The following IKZF2 variants were observed in gnomAD, a reference collection of about 807,000 sequenced individuals.
IKZF2 encodes IKAROS family zinc finger 2, also known as zinc finger protein Helios.
In IKZF2, 15 loss-of-function variants were observed where a neutral mutation model predicts 49.2. That is an observed-to-expected ratio of 0.30 (90% CI 0.20 to 0.47). IKZF2 has a LOEUF of 0.47. Ranked by LOEUF, IKZF2 falls within the 20% of genes least tolerant of loss-of-function variation. The probability of loss-of-function intolerance (pLI) is 1.00; values close to 1 mark genes in which losing one functional copy is unlikely to be tolerated. For synonymous variants in IKZF2, 227 were observed against 221.4 expected (o/e 1.03, Z -0.23); for missense variants, 567 against 664.6 (o/e 0.85, Z 1.61).
intron 4 of IKZF2, among the ~76,000 whole-genome samples, chr2:213,107,589 T>G (rs1292690448): frequency 2.6e-5 from 4 of 152,214 alleles, no homozygotes; most frequent in Non-Finnish European, 4.4e-5. Flanking sequence ...GTTCAGTCAT[T>G]GCTGGAACTG....
chr2:213,043,731 G>T (rs1217941986), intron 6 of IKZF2, among the ~76,000 whole-genome samples: 1 of 152,150 alleles, frequency 6.6e-6, no homozygotes, highest in African/African-American at 2.4e-5. Flanking sequence ...ACAATAGGGT[G>T]CGTGCCTATG....
intron 4 of IKZF2, among the ~76,000 whole-genome samples, chr2:213,121,138 A>T (rs2060043266): frequency 6.6e-6 from 1 of 152,226 alleles, no homozygotes; most frequent in African/African-American, 2.4e-5. Flanking sequence ...TTTTTCATAA[A>T]GTACTAAATA....
chr2:213,023,079 T>G (rs954985482), intron 6 of IKZF2, among the ~76,000 whole-genome samples: 3 of 152,184 alleles, frequency 2.0e-5, no homozygotes, highest in Non-Finnish European at 4.4e-5. Flanking sequence ...AAACCCCAGG[T>G]GGTCTGTGCC....
chr2:213,085,216 C>T (rs531823253), intron 4 of IKZF2, among the ~76,000 whole-genome samples: 5 of 152,246 alleles, frequency 3.3e-5, no homozygotes, highest in African/African-American at 9.6e-5. Context: ...TTTTTAAAAT[C>T]GAAAGGTGAG....
At chr2:213,050,568 T>C (rs1034369725) in intron 5 of IKZF2, among the ~76,000 whole-genome samples, 7 of 152,170 alleles carry the variant, frequency 4.6e-5, no homozygotes, top group Non-Finnish European at 1.0e-4. Context: ...TGGTCACTAA[T>C]AGTAAAACCT....
chr2:213,027,880 C>A (rs947028608), intron 6 of IKZF2, among the ~76,000 whole-genome samples: 1 of 152,030 alleles, frequency 6.6e-6, no homozygotes, highest in African/African-American at 2.4e-5. Flanking sequence ...GGTCTAAAGT[C>A]TCTAATTTGG....
intron 7 of IKZF2, chr2:213,021,745 A>G (rs1321277509): frequency 1.8e-6 from 1 of 554,760 alleles, no homozygotes. Context: ...GAAAAAGAAG[A>G]GTAAATAGTA....
chr2:213,003,537 G>T lies in IKZF2; in HGVS notation c.*3823C>A, dbSNP rs1487811123. 1.3e-5 allele frequency: 2 copies of T among 151,634 alleles called. No individual in the cohort carries two copies. Among genetic ancestry groups the T allele is most frequent in the Admixed American group, 6.6e-5 (1 of 15,190 alleles). 9.4% of individuals were successfully genotyped at this position (151,634 alleles called of 1,614,324 possible). A position where few individuals can be genotyped will look rare whatever the true frequency, so the allele number is the denominator to read the frequency against. On this transcript the variant is annotated 3_prime_UTR_variant, in exon 9 of 9. Coordinates refer to ENST00000434687, the MANE Select transcript of IKZF2 (RefSeq NM_001387220.1). ...GTAGCTAGTACCTCTGACAGTTTAA[G>T]TTCTGCCTGAAACTAGGGGCACACA...
At chr2:213,090,490 G>C (rs2125635777) in intron 4 of IKZF2, among the ~76,000 whole-genome samples, 1 of 152,196 alleles carries the variant, frequency 6.6e-6, no homozygotes, top group Non-Finnish European at 1.5e-5. Flanking sequence ...ATTTCTATTT[G>C]ATGCTTTGGC....
intron 4 of IKZF2, among the ~76,000 whole-genome samples, chr2:213,146,375 T>C (rs1330951277): frequency 1.3e-5 from 2 of 152,058 alleles, no homozygotes; most frequent in Non-Finnish European, 2.9e-5. Context: ...ACCTGCTAAC[T>C]TTACTAGTTT....
chr2:213,141,718 AG>A (rs2060880642), intron 4 of IKZF2, among the ~76,000 whole-genome samples: 1 of 151,936 alleles, frequency 6.6e-6, no homozygotes, highest in Admixed American at 6.6e-5. Context: ...AGCTTACTAC[AG>A]TAAAATGCCC....
intron 6 of IKZF2, among the ~76,000 whole-genome samples, chr2:213,047,716 G>A (rs1197082450): frequency 6.6e-6 from 1 of 152,088 alleles, no homozygotes; most frequent in Non-Finnish European, 1.5e-5. Flanking sequence ...TGGAGCTGTT[G>A]CTATACAATG....
At position 213,060,760 on chromosome 2, in the gene IKZF2, A is replaced by C. The variant is rs1574673104; in HGVS notation, c.140-3661T>G. Among the ~76,000 whole-genome samples, 5 of 151,618 alleles carry C rather than the reference A, an allele frequency of 3.3e-5. No homozygotes were observed. In the South Asian group the frequency reaches 1.0e-3, roughly 31 times the overall value. ...AGACAAGATTTTAGTTTTGATGATA[A>C]AGATGTTTCTTATACTTCAGTTGTA... On this transcript the variant is annotated intron_variant, in intron 4 of 8. Coordinates refer to ENST00000434687, the MANE Select transcript of IKZF2 (RefSeq NM_001387220.1).
chr2:213,130,622 G>A (rs10497995), intron 4 of IKZF2, among the ~76,000 whole-genome samples: 66,713 of 152,066 alleles, frequency 0.44, 18,099 homozygotes, highest in East Asian at 0.91. Context: ...ATTACAGATT[G>A]ATTACCACAA....
chr2:213,028,611 T>C (rs533730179), intron 6 of IKZF2, among the ~76,000 whole-genome samples: 28 of 152,206 alleles, frequency 1.8e-4, no homozygotes, highest in Non-Finnish European at 3.8e-4. Flanking sequence ...AAGTATTTCA[T>C]ACATTTTGGG....
intron 6 of IKZF2, among the ~76,000 whole-genome samples, chr2:213,025,529 G>A (rs1697724644): frequency 1.3e-5 from 2 of 152,146 alleles, no homozygotes; most frequent in South Asian, 4.2e-4. Context: ...TATTTCCCTA[G>A]TCCAAACGAT....
At chr2:213,129,998 A>G (rs984466007) in intron 4 of IKZF2, among the ~76,000 whole-genome samples, 2 of 152,200 alleles carry the variant, frequency 1.3e-5, no homozygotes, top group South Asian at 4.1e-4. Flanking sequence ...CTGTACATAA[A>G]GATATACAGG....
At chr2:213,039,165 A>C (rs1389375986) in intron 6 of IKZF2, among the ~76,000 whole-genome samples, 1 of 152,094 alleles carries the variant, frequency 6.6e-6, no homozygotes, top group Admixed American at 6.5e-5. Context: ...GATGAGTCAT[A>C]ATACTTTACA....
At chr2:213,053,430 C>T (rs561980048) in intron 5 of IKZF2, among the ~76,000 whole-genome samples, 3 of 152,248 alleles carry the variant, frequency 2.0e-5, no homozygotes, top group Non-Finnish European at 2.9e-5. Flanking sequence ...TCTAGACCTG[C>T]ATTTAAATAT....
Sources: allele counts gnomAD v4.1 joint callset (sites outside exome capture counted in the v4.1 genomes callset), GRCh38; gene constraint gnomAD v4.1.1; transcripts MANE v1.5; gene names NCBI Gene and HGNC (gene_info 2026-07-23, HGNC 2026-07-21).